NUDCD3: variants seen among roughly 807,000 people sequenced by gnomAD.
NUDCD3 encodes NudC domain containing 3, also known as nudC domain-containing protein 3.
In NUDCD3, 13 loss-of-function variants were observed where a neutral mutation model predicts 39.7. The observed-to-expected ratio is 0.33, with a 90% confidence interval of 0.21 to 0.52. The LOEUF is 0.52. Ranked by LOEUF, NUDCD3 falls within the 20% of genes least tolerant of loss-of-function variation. The pLI is 0.96. For synonymous variants in NUDCD3, 175 were observed against 172.4 expected, an observed-to-expected ratio of 1.02 and a Z score of -0.12; for missense variants, 453 against 458.1, an observed-to-expected ratio of 0.99 and a Z score of 0.10.
At chr7:44,427,508 T>C in intron 3 of NUDCD3, 63 bp downstream of exon 3, 1 of 1,560,202 alleles carries the variant, frequency 6.4e-7, no homozygotes, top group South Asian at 1.2e-5. Flanking sequence ...TGGTGGGTCT[T>C]CCCTGCAACA....
Position 44,425,704 on chromosome 7 carries a change from AT to A in NUDCD3, c.642+1866del, listed in dbSNP as rs77457493. ...CAGCAGGACCCTATCTCTACAAAAA[AT>A]TTTTTTTAAACTTAACCAGGCATGA... On this transcript the variant is annotated intron_variant, in intron 3 of 5. Transcript: ENST00000355451. Among the ~76,000 whole-genome samples, 642 of 152,046 alleles carry A rather than the reference AT, an allele frequency of 4.2e-3. 7 individuals carry two copies. The highest frequency in any genetic ancestry group is 0.015 in the African/African-American group (611 of 41,464).
intron 2 of NUDCD3, among the ~76,000 whole-genome samples, chr7:44,454,143 T>C (rs531879105): frequency 6.6e-6 from 1 of 152,140 alleles, no homozygotes; most frequent in South Asian, 2.1e-4. Flanking sequence ...ATCAAGACCA[T>C]CCTGGCTAAC....
intron 4 of NUDCD3, among the ~76,000 whole-genome samples, chr7:44,401,095 A>G (rs1798715503): frequency 1.3e-5 from 2 of 152,212 alleles, no homozygotes. Flanking sequence ...CAGCAAGGCT[A>G]AAGAGATGAC....
intron 2 of NUDCD3, among the ~76,000 whole-genome samples, chr7:44,447,111 C>T (rs981646108): frequency 6.6e-6 from 1 of 152,196 alleles, no homozygotes; most frequent in East Asian, 1.9e-4. Context: ...CCATTTCATT[C>T]CCTAGGGGCA....
intron 2 of NUDCD3, among the ~76,000 whole-genome samples, chr7:44,464,161 C>G (rs537698751): frequency 1.3e-5 from 2 of 150,970 alleles, no homozygotes; most frequent in Non-Finnish European, 3.0e-5. Flanking sequence ...TTGCAGTGAG[C>G]CAAGATCATG....
intron 3 of NUDCD3, among the ~76,000 whole-genome samples, chr7:44,421,510 G>A (rs562031883): frequency 2.9e-4 from 44 of 150,158 alleles, no homozygotes; most frequent in South Asian, 1.7e-3. Context: ...AAAAAGCAGG[G>A]GTTGCAATTC....
chr7:44,472,915 T>C (rs1329543156), intron 2 of NUDCD3, among the ~76,000 whole-genome samples: 1 of 152,166 alleles, frequency 6.6e-6, no homozygotes, highest in Non-Finnish European at 1.5e-5. Context: ...TTTAGCAACA[T>C]CCATCAAAAT....
At chr7:44,396,872 G>A (rs1205753237) in intron 4 of NUDCD3, among the ~76,000 whole-genome samples, 1 of 152,176 alleles carries the variant, frequency 6.6e-6, no homozygotes, top group African/African-American at 2.4e-5. Context: ...TGGGTACAAT[G>A]TTCCTAGGAT....
intron 3 of NUDCD3, among the ~76,000 whole-genome samples, chr7:44,408,241 CATTAT>C (rs1417987786): frequency 6.6e-6 from 1 of 152,120 alleles, no homozygotes; most frequent in African/African-American, 2.4e-5. Flanking sequence ...AACAATTCTA[CATTAT>C]ATATCACTTT....
At chr7:44,412,800 G>A (rs1172140981) in intron 3 of NUDCD3, among the ~76,000 whole-genome samples, 11 of 151,770 alleles carry the variant, frequency 7.2e-5, no homozygotes, top group African/African-American at 1.9e-4. Context: ...AGTGGCAGGC[G>A]CCTGTATTCC....
At chr7:44,392,264 AG>A in intron 5 of NUDCD3, 32 bp downstream of exon 5, 2 of 1,603,502 alleles carry the variant, frequency 1.2e-6, no homozygotes, top group Non-Finnish European at 8.5e-7. Context: ...AAGGGCCTAA[AG>A]GGTGGACTCT....
intron 4 of NUDCD3, among the ~76,000 whole-genome samples, chr7:44,403,330 T>A (rs920899159): frequency 3.3e-5 from 5 of 152,208 alleles, no homozygotes; most frequent in Non-Finnish European, 7.3e-5. Flanking sequence ...ACGTAGGGCC[T>A]AAATAGGAGG....
intron 3 of NUDCD3, among the ~76,000 whole-genome samples, chr7:44,406,396 G>A (rs985811173): frequency 2.6e-5 from 4 of 152,176 alleles, no homozygotes; most frequent in Non-Finnish European, 5.9e-5. Context: ...GTGAGCAAAT[G>A]GAACAACAGA....
At chr7:44,411,226 G>A (rs1798917657) in intron 3 of NUDCD3, among the ~76,000 whole-genome samples, 1 of 151,488 alleles carries the variant, frequency 6.6e-6, no homozygotes, top group Admixed American at 6.6e-5. Context: ...CTTGGGTTAG[G>A]CAACGGGTTT....
chr7:44,477,816 ACAATT>A (rs1366493627), intron 2 of NUDCD3, among the ~76,000 whole-genome samples: 4 of 150,048 alleles, frequency 2.7e-5, no homozygotes, highest in Admixed American at 6.6e-5. Flanking sequence ...TTTACTATGA[ACAATT>A]CTTTTTTTTT....
intron 2 of NUDCD3, among the ~76,000 whole-genome samples, chr7:44,430,841 G>T (rs1340884556): frequency 6.6e-6 from 1 of 152,140 alleles, no homozygotes; most frequent in Non-Finnish European, 1.5e-5. Context: ...GCCTTCGAGT[G>T]AGGGGGGACA....
chr7:44,465,600 G>GT (rs940382479), intron 2 of NUDCD3, among the ~76,000 whole-genome samples: 3 of 152,174 alleles, frequency 2.0e-5, no homozygotes, highest in African/African-American at 7.2e-5. Flanking sequence ...AAAGAAAAAA[G>GT]TAAGAAGACA....
At chr7:44,395,678 GTTTGTT>G (rs1798610706) in intron 4 of NUDCD3, among the ~76,000 whole-genome samples, 1 of 152,160 alleles carries the variant, frequency 6.6e-6, no homozygotes, top group Non-Finnish European at 1.5e-5. Flanking sequence ...ACAGTTATCT[GTTTGTT>G]TTTGTCTGGC....
At chr7:44,429,039 A>G (rs1799297288) in intron 2 of NUDCD3, among the ~76,000 whole-genome samples, 1 of 152,212 alleles carries the variant, frequency 6.6e-6, no homozygotes, top group African/African-American at 2.4e-5. Flanking sequence ...CAAGACAAGG[A>G]TTGGGAAGGG....
Sources: allele counts gnomAD v4.1 joint callset (sites outside exome capture counted in the v4.1 genomes callset), GRCh38; gene constraint gnomAD v4.1.1; transcripts MANE v1.5; gene names NCBI Gene and HGNC (gene_info 2026-07-23, HGNC 2026-07-21).